Variants in ATR observed in about 807,000 individuals in gnomAD.
The protein encoded by ATR is ATR checkpoint kinase, also known as serine/threonine-protein kinase ATR.
Under a neutral mutation model 305.3 loss-of-function variants are expected in ATR, and 142 were observed. The ratio of observed to expected loss-of-function variants is 0.47; its 90% CI spans 0.41 to 0.53. The LOEUF (loss-of-function observed/expected upper bound fraction) is 0.53. Among genes scored for constraint, ATR ranks in the 20% least tolerant of loss-of-function variants. ATR has a pLI of 0.00. For synonymous variants in ATR, 1,050 were observed against 1,068.1 expected (o/e 0.98, Z 0.33); for missense variants, 2,135 against 3,133.1 (o/e 0.68, Z 7.60).
At chr3:142,462,174 C>A (rs2108266640) in intron 41 of ATR, 84 bp from the exon 42 acceptor site, 1 of 1,335,540 alleles carries the variant, frequency 7.5e-7, no homozygotes, top group South Asian at 1.2e-5. Flanking sequence ...AAAGATTGTT[C>A]ATTTCATAAC....
chr3:142,564,111 G>A (rs2034978327), intron 3 of ATR, among the ~76,000 whole-genome samples: 1 of 152,178 alleles, frequency 6.6e-6, no homozygotes, highest in South Asian at 2.1e-4. Context: ...GCATTTTTTA[G>A]TAATAAAGTA....
intron 31 of ATR, 31 bp from the exon 32 acceptor site, chr3:142,498,805 C>T (rs2031790366): frequency 1.2e-6 from 2 of 1,607,780 alleles, no homozygotes; most frequent in Admixed American, 1.7e-5. Flanking sequence ...CAAGAAATGT[C>T]ACGGTAGCTG....
At chr3:142,495,065 G>A (rs1345187653) in intron 34 of ATR, among the ~76,000 whole-genome samples, 1 of 152,152 alleles carries the variant, frequency 6.6e-6, no homozygotes, top group Non-Finnish European at 1.5e-5. Flanking sequence ...TTAAGATGAT[G>A]TCCAGATTTC....
intron 41 of ATR, among the ~76,000 whole-genome samples, chr3:142,464,313 G>C (rs1264436557): frequency 6.6e-6 from 1 of 152,062 alleles, no homozygotes; most frequent in Non-Finnish European, 1.5e-5. Flanking sequence ...TTTTTGTAGA[G>C]ACAGGGTTTC....
intron 40 of ATR, 103 bp from the exon 41 acceptor site, chr3:142,465,343 C>G: frequency 1.2e-6 from 1 of 848,610 alleles, no homozygotes; most frequent in Non-Finnish European, 1.8e-6. Flanking sequence ...AAGAATATTA[C>G]CAGCTATATT....
intron 1 of ATR, among the ~76,000 whole-genome samples, chr3:142,569,131 T>A (rs2035175948): frequency 6.6e-6 from 1 of 152,138 alleles, no homozygotes; most frequent in Non-Finnish European, 1.5e-5. Flanking sequence ...CACCCATGAC[T>A]GCCTATGGAC....
At chr3:142,474,869 G>A (rs1323333680) in intron 36 of ATR, among the ~76,000 whole-genome samples, 2 of 151,760 alleles carry the variant, frequency 1.3e-5, no homozygotes, top group Admixed American at 6.6e-5. Context: ...ATCATACATG[G>A]TCTTTACTGT....
At chr3:142,496,544 G>C in intron 33 of ATR, 24 bp from the exon 34 acceptor site, 1 of 1,602,432 alleles carries the variant, frequency 6.2e-7, no homozygotes, top group Non-Finnish European at 8.5e-7. Flanking sequence ...CAACACATTG[G>C]TGAGAGAGAC....
chr3:142,454,430 T>C (rs1006735971), intron 45 of ATR, among the ~76,000 whole-genome samples: 1 of 149,458 alleles, frequency 6.7e-6, no homozygotes, highest in Non-Finnish European at 1.5e-5. Context: ...TAATGTCTGA[T>C]AGACAGCTTT....
chr3:142,482,997 TTTTTC>T (rs903620726), intron 36 of ATR, among the ~76,000 whole-genome samples: 3 of 149,988 alleles, frequency 2.0e-5, no homozygotes, highest in African/African-American at 7.5e-5. Flanking sequence ...TTCTTTTTTT[TTTTTC>T]TTTCTTTCTT....
At chr3:142,504,403 C>T (rs1299995560) in intron 29 of ATR, among the ~76,000 whole-genome samples, 5 of 151,802 alleles carry the variant, frequency 3.3e-5, no homozygotes, top group Admixed American at 6.6e-5. Flanking sequence ...CAGATATACT[C>T]CATAATAAAT....
intron 40 of ATR, 140 bp from the exon 41 acceptor site, chr3:142,465,380 CTTTTA>C (rs1223485264): frequency 6.0e-5 from 38 of 631,742 alleles, no homozygotes; most frequent in South Asian, 4.4e-4. Flanking sequence ...TTTTAAAAAT[CTTTTA>C]TTTTAATTAT....
At chr3:142,494,126 CTGTTTACA>C (rs2031446993) in intron 34 of ATR, among the ~76,000 whole-genome samples, 1 of 151,370 alleles carries the variant, frequency 6.6e-6, no homozygotes, top group African/African-American at 2.4e-5. Context: ...AGTATAACAA[CTGTTTACA>C]AAGCATTTGC....
intron 36 of ATR, among the ~76,000 whole-genome samples, chr3:142,483,844 A>C (rs2030715365): frequency 6.6e-6 from 1 of 151,002 alleles, no homozygotes; most frequent in Admixed American, 6.6e-5. Flanking sequence ...AAATAAATAA[A>C]ATAAAATAAA....
chr3:142,530,517 C>G lies in ATR; in HGVS notation c.3945+4563G>C, dbSNP rs149201091. Among the ~76,000 whole-genome samples, 883 of 152,128 alleles carry G rather than the reference C, an allele frequency of 5.8e-3. 11 individuals carry two copies. Among genetic ancestry groups the G allele is most frequent in the African/African-American group, 0.02 (850 of 41,484 alleles). On this transcript the variant is annotated intron_variant, in intron 21 of 46. Transcript: ENST00000350721. ...TTGTGAAATTTCTAAACTAGAAAAC[C>G]CTCCATAACAGCTATCTGCAGTAAG...
intron 35 of ATR, among the ~76,000 whole-genome samples, chr3:142,492,701 ATTT>A (rs2031361022): frequency 6.6e-6 from 1 of 152,186 alleles, no homozygotes; most frequent in Non-Finnish European, 1.5e-5. Flanking sequence ...ATGATATGCC[ATTT>A]TTATTATCAT....
At chr3:142,456,571 C>G (rs1348359268) in intron 45 of ATR, among the ~76,000 whole-genome samples, 3 of 147,464 alleles carry the variant, frequency 2.0e-5, no homozygotes, top group Admixed American at 2.0e-4. Flanking sequence ...AACCCTGTCT[C>G]AAAGGAAAAA....
chr3:142,565,411 G>A (rs1490031375), intron 3 of ATR, among the ~76,000 whole-genome samples: 3 of 151,996 alleles, frequency 2.0e-5, no homozygotes, highest in African/African-American at 4.8e-5. Context: ...CACCAATGAA[G>A]GGACAAAAGT....
chr3:142,454,850 TCTACCC>T (rs2070871522), intron 45 of ATR, among the ~76,000 whole-genome samples: 1 of 152,232 alleles, frequency 6.6e-6, no homozygotes, highest in African/African-American at 2.4e-5. Flanking sequence ...GACTGACTGC[TCTACCC>T]CTAAGATCAG....
Sources: allele counts gnomAD v4.1 joint callset (sites outside exome capture counted in the v4.1 genomes callset), GRCh38; gene constraint gnomAD v4.1.1; transcripts MANE v1.5; gene names NCBI Gene and HGNC (gene_info 2026-07-23, HGNC 2026-07-21).